Variants in PLPPR1 observed in about 807,000 individuals in gnomAD.
PLPPR1 encodes phospholipid phosphatase-related protein type 1.
A neutral mutation model predicts 33.1 loss-of-function variants in PLPPR1; 10 were observed. The observed-to-expected ratio is 0.30, with a 90% CI of 0.19 to 0.51. The LOEUF is 0.51. Ranked by LOEUF, PLPPR1 falls within the 20% of genes least tolerant of loss-of-function variation. PLPPR1 has a pLI of 0.97. For synonymous variants in PLPPR1, 151 were observed against 151.0 expected (o/e 1.00, Z 0.00); for missense variants, 304 against 408.1 (o/e 0.74, Z 2.20).
At chr9:101,195,697 T>C (rs1826381633) in intron 2 of PLPPR1, among the ~76,000 whole-genome samples, 1 of 152,190 alleles carries the variant, frequency 6.6e-6, no homozygotes, top group Non-Finnish European at 1.5e-5. Flanking sequence ...TCCCAGCTTC[T>C]ACCCCAGCTT....
chr9:101,244,480 C>T (rs1827545691), intron 2 of PLPPR1, among the ~76,000 whole-genome samples: 1 of 151,710 alleles, frequency 6.6e-6, no homozygotes, highest in Non-Finnish European at 1.5e-5. Context: ...TCTACGCTCT[C>T]TCATCATCAC....
chr9:101,033,707 C>A (rs576292979), intron 1 of PLPPR1, among the ~76,000 whole-genome samples: 2 of 152,108 alleles, frequency 1.3e-5, no homozygotes, highest in Admixed American at 6.5e-5. Flanking sequence ...AATGCCTCCA[C>A]GTGGAATCCT....
At chr9:101,271,985 T>G (rs957032075) in intron 3 of PLPPR1, among the ~76,000 whole-genome samples, 48 of 152,190 alleles carry the variant, frequency 3.2e-4, no homozygotes, top group African/African-American at 1.2e-3. Flanking sequence ...AATGTACATC[T>G]GCCTGGCTAG....
At chr9:101,124,816 G>T (rs1310271213) in intron 1 of PLPPR1, among the ~76,000 whole-genome samples, 2 of 152,122 alleles carry the variant, frequency 1.3e-5, no homozygotes, top group Non-Finnish European at 2.9e-5. Context: ...CTTTTTCCCA[G>T]CTCTTTGTAT....
At chr9:101,210,063 C>A (rs1826661600) in intron 2 of PLPPR1, among the ~76,000 whole-genome samples, 1 of 152,198 alleles carries the variant, frequency 6.6e-6, no homozygotes, top group South Asian at 2.1e-4. Flanking sequence ...AATTATAAAA[C>A]CAAATGTTAC....
intron 4 of PLPPR1, among the ~76,000 whole-genome samples, chr9:101,292,782 T>C (rs7865574): frequency 0.45 from 67,335 of 150,092 alleles, 17,010 homozygotes; most frequent in African/African-American, 0.71. Context: ...CCAGGCCTGC[T>C]CTAAAAGAGC....
chr9:101,108,221 AAATAAT>A (rs775621165), intron 1 of PLPPR1, among the ~76,000 whole-genome samples: 5 of 152,094 alleles, frequency 3.3e-5, no homozygotes, highest in African/African-American at 9.7e-5. Flanking sequence ...ATGTTTTTGG[AAATAAT>A]AATAATAATA....
intron 5 of PLPPR1, among the ~76,000 whole-genome samples, chr9:101,311,958 C>T (rs1374945604): frequency 6.6e-6 from 1 of 152,178 alleles, no homozygotes; most frequent in Non-Finnish European, 1.5e-5. Context: ...CTCTAAACCA[C>T]CAGGGACACA....
In PLPPR1 at chr9:101,268,117, G is replaced by A. The variant is rs115519648; in HGVS notation, c.64-1763G>A. Among the ~76,000 whole-genome samples the A allele has an allele frequency of 4.3e-3, 658 of 152,070 alleles. 3 individuals carry two copies. Among genetic ancestry groups the A allele is most frequent in the African/African-American group, 0.015 (639 of 41,462 alleles). On this transcript the variant is annotated intron_variant, in intron 2 of 7. Coordinates refer to ENST00000374874, the MANE Select transcript of PLPPR1 (RefSeq NM_207299.2). The stretch of plus-strand genomic sequence containing the variant: ...CGGGGCCTGTTGTGGGTAGGGGAGG[G>A]GGGAGAGATAGCATTAGGAGATATA...
At chr9:101,160,747 T>C (rs1016812093) in intron 1 of PLPPR1, among the ~76,000 whole-genome samples, 2 of 152,128 alleles carry the variant, frequency 1.3e-5, no homozygotes, top group African/African-American at 4.8e-5. Flanking sequence ...AAAAATCGTA[T>C]GACTGGAAAG....
chr9:101,262,213 T>A (rs1336637252), intron 2 of PLPPR1, among the ~76,000 whole-genome samples: 1 of 152,232 alleles, frequency 6.6e-6, no homozygotes, highest in Non-Finnish European at 1.5e-5. Context: ...ATCTTCATGA[T>A]AATCTGAAGC....
At chr9:101,254,461 A>C (rs1827763846) in intron 2 of PLPPR1, among the ~76,000 whole-genome samples, 1 of 152,100 alleles carries the variant, frequency 6.6e-6, no homozygotes, top group African/African-American at 2.4e-5. Flanking sequence ...TAAATACAGA[A>C]GAAGCTTTGC....
intron 2 of PLPPR1, among the ~76,000 whole-genome samples, chr9:101,189,289 G>A (rs1311279791): frequency 1.3e-5 from 2 of 152,104 alleles, no homozygotes; most frequent in Admixed American, 6.6e-5. Flanking sequence ...TTGGCAATTT[G>A]TTGAAAGAGT....
intron 2 of PLPPR1, among the ~76,000 whole-genome samples, chr9:101,220,086 G>T (rs1826897528): frequency 6.6e-6 from 1 of 152,168 alleles, no homozygotes; most frequent in Non-Finnish European, 1.5e-5. Flanking sequence ...ATAATTCCTT[G>T]TTATGGGAGG....
intron 1 of PLPPR1, among the ~76,000 whole-genome samples, chr9:101,083,244 C>T (rs947761513): frequency 4.6e-5 from 7 of 151,684 alleles, no homozygotes; most frequent in Admixed American, 3.3e-4. Context: ...AGGCAACCTC[C>T]GGCTCTGGGG....
chr9:101,115,493 A>T (rs1032613019), intron 1 of PLPPR1, among the ~76,000 whole-genome samples: 15 of 152,222 alleles, frequency 9.9e-5, no homozygotes, highest in African/African-American at 3.6e-4. Flanking sequence ...ACAAATTGCC[A>T]GTTGAGATTG....
Position 101,317,385 on chromosome 9 carries a change from C to G in PLPPR1, c.834C>G (p.Asn278Lys). Residue 278 changes from asparagine to lysine, a missense_variant, in exon 7 of 8, where the codon AAC becomes AAG. Asn to Lys is a moderately conservative substitution (Grantham distance 94, BLOSUM62 0). Transcript: ENST00000374874. ...TGCAGGGAATGTGTGTGGTTCATAA[C>G]TTTAAAGGAACGCAAGGATCTCCTT... ...ALFLGMCVVH[N>K]FKGTQGSPSK... 1.9e-6 allele frequency: 3 copies of G among 1,614,020 alleles called. 1 individual carries two copies. In the South Asian group the frequency reaches 3.3e-5, roughly 18 times the overall value.
Position 101,252,631 on chromosome 9 carries a change from C to T in PLPPR1, c.64-17249C>T, listed in dbSNP as rs146106679. ...CTGTTTTAATTAGAAAAACAAACTG[C>T]TTGACCTGAGAGAATGTTTTTCCTT... is the stretch of plus-strand genomic sequence containing the variant. On this transcript the variant is annotated intron_variant, in intron 2 of 7. Coordinates refer to ENST00000374874, the MANE Select transcript of PLPPR1 (RefSeq NM_207299.2). Among the ~76,000 whole-genome samples, 784 of 152,226 alleles carry T rather than the reference C, an allele frequency of 5.2e-3. 6 individuals carry two copies. The highest frequency in any genetic ancestry group is 8.8e-3 in the Non-Finnish European group (596 of 67,996).
intron 1 of PLPPR1, among the ~76,000 whole-genome samples, chr9:101,113,817 G>A (rs1831087343): frequency 6.6e-6 from 1 of 151,996 alleles, no homozygotes; most frequent in Non-Finnish European, 1.5e-5. Flanking sequence ...TATTTCTGCA[G>A]AAACATGAAG....
Sources: allele counts gnomAD v4.1 joint callset (sites outside exome capture counted in the v4.1 genomes callset), GRCh38; gene constraint gnomAD v4.1.1; transcripts MANE v1.5; gene names NCBI Gene and HGNC (gene_info 2026-07-23, HGNC 2026-07-21).